The following USP30 variants were observed in gnomAD, a reference collection of about 807,000 sequenced individuals.
USP30 encodes the protein ubiquitin carboxyl-terminal hydrolase 30.
In USP30, 41 loss-of-function variants were observed where a neutral mutation model predicts 68.2. The ratio of observed to expected loss-of-function variants is 0.60; its 90% CI spans 0.47 to 0.78. USP30 has a LOEUF of 0.78. Ranked by LOEUF, USP30 falls within the 30% of genes least tolerant of loss-of-function variation. The pLI is 0.00. For synonymous variants in USP30, 229 were observed against 253.7 expected, an observed-to-expected ratio of 0.90 and a Z score of 0.93; for missense variants, 522 against 649.4, an observed-to-expected ratio of 0.80 and a Z score of 2.13.
chr12:109,024,407 G>A (rs575718788), intron 1 of USP30, among the ~76,000 whole-genome samples: 10 of 151,372 alleles, frequency 6.6e-5, no homozygotes, highest in East Asian at 2.0e-4. Context: ...ACAGGTGTGC[G>A]CCACCATGCC....
At position 109,083,956 on chromosome 12, in the gene USP30, T is replaced by G. The variant is rs575337464; in HGVS notation, c.1168+894T>G. ...AGATGAGGTAGGGGACAGACTCTGG[T>G]TCAGTCCTTGGCCCTGGTTTTAAAT... On this transcript the variant is annotated intron_variant, in intron 11 of 12. Transcript: ENST00000257548. 2.0e-5 allele frequency among the ~76,000 whole-genome samples: 3 copies of G among 152,272 alleles called. No homozygotes were observed. In the East Asian group the frequency reaches 5.8e-4, roughly 29 times the overall value.
chr12:109,085,064 C>A lies in USP30; in HGVS notation c.1280C>A (p.Pro427His). The change falls in exon 12 of 13, where the codon CCC becomes CAC. Residue 427 changes from proline to histidine, a missense_variant. Coordinates refer to ENST00000257548, the MANE Select transcript of USP30 (RefSeq NM_032663.5). ...APMPFPLPVV[P>H]DYSSSTYLFR... ...ATGCCCTTCCCTCTCCCAGTTGTTC[C>A]CGACTACAGGTGAGCCACCCTTTAC... is the stretch of plus-strand genomic sequence containing the variant. The A allele has an allele frequency of 1.3e-6, 2 of 1,590,284 alleles. No individual in the cohort carries two copies. The highest frequency in any genetic ancestry group is 1.7e-6 in the Non-Finnish European group (2 of 1,165,888).
At chr12:109,080,856 G>T (rs1360766219) in intron 7 of USP30, among the ~76,000 whole-genome samples, 1 of 152,170 alleles carries the variant, frequency 6.6e-6, no homozygotes, top group East Asian at 1.9e-4. Flanking sequence ...GGTAGCCTAG[G>T]AGTAGTAGCT....
chr12:109,059,621 C>A (rs933855058), intron 3 of USP30, among the ~76,000 whole-genome samples: 17 of 152,328 alleles, frequency 1.1e-4, no homozygotes, highest in East Asian at 3.9e-4. Context: ...TCAAGCGATT[C>A]TTCTGCTTCA....
intron 7 of USP30, among the ~76,000 whole-genome samples, chr12:109,076,223 A>G (rs1265512939): frequency 6.6e-6 from 1 of 152,198 alleles, no homozygotes; most frequent in Admixed American, 6.5e-5. Flanking sequence ...TGCCACTAGT[A>G]TATAGACATA....
intron 7 of USP30, 126 bp downstream of exon 7, chr12:109,073,658 T>C (rs1483506050): frequency 2.6e-6 from 2 of 775,474 alleles, no homozygotes; most frequent in Non-Finnish European, 4.2e-6. Context: ...CTCTGCACAC[T>C]AGTGGACTGA....
rs145720570 is a variant in USP30 at position 109,071,667 on chromosome 12, G to A, written c.536G>A (p.Arg179His). 3.4e-4 allele frequency: 545 copies of A among 1,614,170 alleles called. 2 individuals are homozygous for A. The African/African-American group carries it at 6.1e-3, about 18-fold the overall frequency. ...ITSSLEDERD[R>H]QPRVTHLFDV... Reference sequence around the variant, plus strand: ...TCGTCATTGGAAGATGAGCGAGACCGCCAGCCTCGGGTCACACATTTGTTT... The same window carrying A: ...TCGTCATTGGAAGATGAGCGAGACCACCAGCCTCGGGTCACACATTTGTTT... The change falls in exon 5 of 13, where the codon CGC becomes CAC. Residue 179 changes from arginine to histidine, a missense_variant. Arg to His is a conservative substitution (Grantham distance 29). Coordinates refer to ENST00000257548, the MANE Select transcript of USP30 (RefSeq NM_032663.5).
chr12:109,034,739 T>G (rs2040507056), intron 3 of USP30, among the ~76,000 whole-genome samples: 1 of 152,360 alleles, frequency 6.6e-6, no homozygotes, highest in East Asian at 1.9e-4. Flanking sequence ...CAACCATTAC[T>G]GTTAAATTGT....
At chr12:109,066,417 G>A (rs1487465058) in intron 3 of USP30, among the ~76,000 whole-genome samples, 1 of 152,180 alleles carries the variant, frequency 6.6e-6, no homozygotes, top group Admixed American at 6.5e-5. Context: ...TGGGTGCAGT[G>A]GCTTGCACCT....
chr12:109,040,706 C>G (rs1329611754), intron 3 of USP30, among the ~76,000 whole-genome samples: 1 of 152,204 alleles, frequency 6.6e-6, no homozygotes, highest in African/African-American at 2.4e-5. Flanking sequence ...GGCCTCAGTT[C>G]CTTGCCACAT....
chr12:109,023,678 G>A (rs2040423771), intron 1 of USP30, among the ~76,000 whole-genome samples: 1 of 119,682 alleles, frequency 8.4e-6, no homozygotes, highest in Admixed American at 1.1e-4. Context: ...CTGTCACCCA[G>A]GCTGGAGTGC....
chr12:109,073,429 G>A lies in USP30; in HGVS notation c.626-9G>A, dbSNP rs1326913895. The A allele has an allele frequency of 5.0e-6, 8 of 1,610,336 alleles. No individual in the cohort carries two copies. In the African/African-American group the frequency reaches 9.4e-5, roughly 19 times the overall value. On this transcript the variant is annotated splice_polypyrimidine_tract_variant and intron_variant, in intron 6 of 12. Coordinates refer to ENST00000257548, the MANE Select transcript of USP30 (RefSeq NM_032663.5). ...AAAGTGACATATCAAAAAACTTTTT[G>A]CATTCCAGGGTCACCTCACCCTACA...
intron 3 of USP30, among the ~76,000 whole-genome samples, chr12:109,034,107 G>C (rs901562203): frequency 2.0e-5 from 3 of 152,174 alleles, no homozygotes; most frequent in Admixed American, 1.3e-4. Context: ...ACAGCTCAAC[G>C]TGTCTGAGTC....
intron 3 of USP30, among the ~76,000 whole-genome samples, chr12:109,029,302 G>T (rs1299231196): frequency 1.3e-5 from 2 of 152,200 alleles, no homozygotes; most frequent in Non-Finnish European, 2.9e-5. Flanking sequence ...CCTGAGAGGG[G>T]CTTCTGGCCG....
intron 2 of USP30, among the ~76,000 whole-genome samples, chr12:109,057,395 G>C (rs2040910900): frequency 6.6e-6 from 1 of 152,154 alleles, no homozygotes. Flanking sequence ...TTTTTTAAAA[G>C]ATTGCTAGCA....
At chr12:109,055,565 A>C (rs188960975) in intron 1 of USP30, among the ~76,000 whole-genome samples, 1 of 147,994 alleles carries the variant, frequency 6.8e-6, no homozygotes, top group Non-Finnish European at 1.5e-5. Flanking sequence ...ACACCCAGCT[A>C]ATTTTTGTAT....
upstream of USP30, among the ~76,000 whole-genome samples, chr12:109,048,739 C>CA (rs60197959): frequency 0.051 from 4,438 of 86,568 alleles, 168 homozygotes; most frequent in African/African-American, 0.11. Context: ...GACTCTGTCT[C>CA]AAAAAAAAAA....
chr12:109,045,217 G>A (rs182718093), intron 3 of USP30, among the ~76,000 whole-genome samples: 50 of 152,236 alleles, frequency 3.3e-4, no homozygotes, highest in Admixed American at 1.1e-3. Flanking sequence ...GACCTCGGGT[G>A]ATCCACCCGC....
At chr12:109,067,107 A>ATT (rs754748366) in intron 3 of USP30, among the ~76,000 whole-genome samples, 1,199 of 104,512 alleles carry the variant, frequency 0.011, 5 homozygotes, top group African/African-American at 0.02. Flanking sequence ...ACAGTCCTTA[A>ATT]TTTTTTTTTT....
Sources: allele counts gnomAD v4.1 joint callset (sites outside exome capture counted in the v4.1 genomes callset), GRCh38; gene constraint gnomAD v4.1.1; transcripts MANE v1.5; gene names NCBI Gene and HGNC (gene_info 2026-07-23, HGNC 2026-07-21).